Variants in PSD3 observed in about 807,000 individuals in gnomAD.
The protein encoded by PSD3 is pleckstrin and Sec7 domain containing 3.
PSD3 carries 49 observed loss-of-function variants against 105.5 expected under a neutral mutation model. The observed-to-expected ratio is 0.46, with a 90% CI of 0.37 to 0.59. PSD3 has a LOEUF of 0.59. Among genes scored for constraint, PSD3 ranks in the 20% least tolerant of loss-of-function variants. PSD3 has a pLI of 0.00. For missense variants in PSD3, 1,561 were observed against 1,263.8 expected (o/e 1.24, Z -3.57); for synonymous variants, 557 against 457.8 (o/e 1.22, Z -2.77).
chr8:18,752,498 T>TA (rs1408370362), intron 9 of PSD3, among the ~76,000 whole-genome samples: 11 of 16,918 alleles, frequency 6.5e-4, no homozygotes, highest in South Asian at 1.8e-3. Context: ...ATATAATATA[T>TA]ATAATATATA....
At chr8:18,636,280 C>G (rs1172962455) in intron 10 of PSD3, among the ~76,000 whole-genome samples, 2 of 143,372 alleles carry the variant, frequency 1.4e-5, no homozygotes, top group Non-Finnish European at 3.1e-5. Flanking sequence ...ATTTTTTTAA[C>G]AAAAAAGTTT....
At chr8:18,599,876 C>A (rs780847640) in intron 12 of PSD3, among the ~76,000 whole-genome samples, 45 of 152,256 alleles carry the variant, frequency 3.0e-4, no homozygotes, top group Admixed American at 5.2e-4. Flanking sequence ...CCTATACATA[C>A]ATACCTAACA....
chr8:18,655,740 G>A, intron 9 of PSD3, 55 bp from the exon 10 acceptor site: 1 of 1,530,244 alleles, frequency 6.5e-7, no homozygotes, highest in South Asian at 1.1e-5. Context: ...TCCACATTTT[G>A]AATTCAGCAA....
intron 1 of PSD3, among the ~76,000 whole-genome samples, chr8:18,965,421 C>T (rs12676418): frequency 5.3e-5 from 8 of 152,106 alleles, no homozygotes; most frequent in Non-Finnish European, 1.2e-4. Context: ...ACAGGCTGTG[C>T]TGGTAAGGCC....
intron 9 of PSD3, among the ~76,000 whole-genome samples, chr8:18,760,607 A>G (rs1806434397): frequency 6.6e-6 from 1 of 152,354 alleles, no homozygotes; most frequent in Non-Finnish European, 1.5e-5. Flanking sequence ...TCCACTGTGC[A>G]TATCTACCAC....
At chr8:18,695,122 A>C (rs535055524) in intron 9 of PSD3, among the ~76,000 whole-genome samples, 1 of 152,322 alleles carries the variant, frequency 6.6e-6, no homozygotes, top group Admixed American at 6.5e-5. Flanking sequence ...TTTAGACTAA[A>C]GATCCCTAGC....
chr8:18,617,177 A>G (rs1805755528), intron 11 of PSD3, among the ~76,000 whole-genome samples: 3 of 152,174 alleles, frequency 2.0e-5, no homozygotes, highest in Admixed American at 6.5e-5. Flanking sequence ...AGAACCTTCT[A>G]ATCATTTTAC....
At chr8:18,616,206 T>G (rs564968856) in intron 11 of PSD3, among the ~76,000 whole-genome samples, 1 of 152,242 alleles carries the variant, frequency 6.6e-6, no homozygotes, top group African/African-American at 2.4e-5. Context: ...GATGGCCTCT[T>G]AGCTTTTCCC....
chr8:18,575,223 G>C lies in PSD3; in HGVS notation c.2544C>G (p.His848Gln). Residue 848 changes from histidine to glutamine, a missense_variant, in exon 13 of 16, where the codon CAC becomes CAG. By Grantham distance (24) the His-to-Gln change is conservative. Coordinates refer to ENST00000327040, the MANE Select transcript of PSD3 (RefSeq NM_015310.4). ...CCGTGGCCTTGGATGCCAATGCGTG[G>C]TGCACACTCACAGCGTTTTTCAAGT... ...EEDLKNAVSV[H>Q]HALASKATDY... The C allele has an allele frequency of 6.2e-7, 1 of 1,613,682 alleles. No homozygotes were observed. The highest frequency in any genetic ancestry group is 8.5e-7 in the Non-Finnish European group (1 of 1,179,798).
chr8:18,981,079 G>C (rs1246398157), intron 1 of PSD3, among the ~76,000 whole-genome samples: 1 of 152,024 alleles, frequency 6.6e-6, no homozygotes, highest in Non-Finnish European at 1.5e-5. Flanking sequence ...GTTTCCCTTT[G>C]TTATGTCTGT....
chr8:18,693,591 G>C (rs991158795), intron 9 of PSD3, among the ~76,000 whole-genome samples: 3 of 152,134 alleles, frequency 2.0e-5, no homozygotes, highest in Non-Finnish European at 2.9e-5. Flanking sequence ...TGTGACCTAA[G>C]CCCGGCCATA....
intron 2 of PSD3, among the ~76,000 whole-genome samples, chr8:18,906,649 C>T (rs1241882691): frequency 1.3e-5 from 2 of 152,046 alleles, no homozygotes; most frequent in Non-Finnish European, 2.9e-5. Flanking sequence ...GTATCATATC[C>T]TAAAACAATA....
intron 2 of PSD3, among the ~76,000 whole-genome samples, chr8:18,886,315 G>A (rs918328506): frequency 3.3e-5 from 5 of 152,114 alleles, no homozygotes; most frequent in Non-Finnish European, 7.3e-5. Flanking sequence ...GTAAAGCCAG[G>A]TGAGGTGCTG....
At chr8:18,917,256 C>T (rs1043914999) in intron 2 of PSD3, among the ~76,000 whole-genome samples, 2 of 152,216 alleles carry the variant, frequency 1.3e-5, no homozygotes, top group Admixed American at 6.5e-5. Context: ...TACTTTCAGG[C>T]AGAGATGGAG....
chr8:18,840,099 C>T (rs1253244708), intron 4 of PSD3, among the ~76,000 whole-genome samples: 2 of 152,122 alleles, frequency 1.3e-5, no homozygotes, highest in Admixed American at 6.5e-5. Context: ...TCCTGTTGTT[C>T]TCTAGGTCTT....
rs550461300 is a variant in PSD3 at position 18,629,615 on chromosome 8, C to A, written c.2410+2998G>T. Among the ~76,000 whole-genome samples, 22 of 151,878 alleles carry A rather than the reference C, an allele frequency of 1.4e-4. No individual in the cohort carries two copies. The South Asian group carries it at 4.4e-3, about 30-fold the overall frequency. ...GAATGAAGCCAAACACAAAGCAGTC[C>A]CATGATTCCATTTATTGCAATTTTA... On this transcript the variant is annotated intron_variant, in intron 11 of 15. Transcript: ENST00000327040.
chr8:18,939,410 AAC>A (rs1491279568), intron 1 of PSD3, among the ~76,000 whole-genome samples: 2 of 152,220 alleles, frequency 1.3e-5, no homozygotes, highest in Non-Finnish European at 2.9e-5. Context: ...CATATCATCT[AAC>A]AGTTACTACA....
intron 4 of PSD3, among the ~76,000 whole-genome samples, chr8:18,806,751 C>A (rs188759148): frequency 2.8e-4 from 43 of 152,264 alleles, no homozygotes; most frequent in Admixed American, 7.8e-4. Flanking sequence ...CTTGCTCTAT[C>A]CCATAGTTCT....
At chr8:18,806,651 T>TTTA (rs1554508668) in intron 4 of PSD3, among the ~76,000 whole-genome samples, 1 of 152,206 alleles carries the variant, frequency 6.6e-6, no homozygotes, top group Non-Finnish European at 1.5e-5. Context: ...CACATGCTGC[T>TTTA]TTGTTGTTGT....
Sources: allele counts gnomAD v4.1 joint callset (sites outside exome capture counted in the v4.1 genomes callset), GRCh38; gene constraint gnomAD v4.1.1; transcripts MANE v1.5; gene names NCBI Gene and HGNC (gene_info 2026-07-23, HGNC 2026-07-21).